Variants in SCAP observed in about 807,000 individuals in gnomAD.
SCAP encodes sterol regulatory element-binding protein cleavage-activating protein.
In SCAP, 65 loss-of-function variants were observed where a neutral mutation model predicts 123.6. The ratio of observed to expected loss-of-function variants is 0.53; its 90% CI spans 0.43 to 0.65. SCAP has a LOEUF of 0.65. SCAP is among the 30% of genes least tolerant of loss of function. SCAP has a pLI of 0.00. For missense variants in SCAP, 1,398 were observed against 1,712.5 expected, an observed-to-expected ratio of 0.82 and a Z score of 3.24; for synonymous variants, 740 against 726.3, an observed-to-expected ratio of 1.02 and a Z score of -0.30.
chr3:47,466,315 T>C (rs1183659958), intron 1 of SCAP, among the ~76,000 whole-genome samples: 1 of 152,118 alleles, frequency 6.6e-6, no homozygotes, highest in Non-Finnish European at 1.5e-5. Flanking sequence ...GGTACTGGCA[T>C]AAGGTCAGAC....
chr3:47,463,710 A>C (rs1160640615), intron 1 of SCAP, among the ~76,000 whole-genome samples: 1 of 152,194 alleles, frequency 6.6e-6, no homozygotes, highest in East Asian at 1.9e-4. Flanking sequence ...TCCCTAAAAA[A>C]AAAACTAAAA....
chr3:47,464,615 A>G (rs1302504219), intron 1 of SCAP, among the ~76,000 whole-genome samples: 1 of 152,196 alleles, frequency 6.6e-6, no homozygotes, highest in East Asian at 1.9e-4. Flanking sequence ...TCCTCAACAT[A>G]ATAAAGGGGT....
At chr3:47,468,626 G>A (rs924912985) in intron 1 of SCAP, among the ~76,000 whole-genome samples, 3 of 152,124 alleles carry the variant, frequency 2.0e-5, no homozygotes, top group African/African-American at 7.2e-5. Flanking sequence ...TTAGCCCTTT[G>A]TCAGATGGGT....
chr3:47,427,098 C>A (rs991961757), intron 6 of SCAP, 59 bp downstream of exon 6: 3 of 1,268,038 alleles, frequency 2.4e-6, no homozygotes, highest in Non-Finnish European at 2.3e-6. Flanking sequence ...AGAGGGACTA[C>A]TCAAAGCCTC....
chr3:47,453,341 G>C (rs535324973), intron 1 of SCAP, among the ~76,000 whole-genome samples: 1 of 151,432 alleles, frequency 6.6e-6, no homozygotes, highest in African/African-American at 2.4e-5. Flanking sequence ...CCAGAAGTTC[G>C]AGACCAGTCT....
chr3:47,457,424 C>T (rs1707468632), intron 1 of SCAP, among the ~76,000 whole-genome samples: 1 of 152,146 alleles, frequency 6.6e-6, no homozygotes, highest in Non-Finnish European at 1.5e-5. Flanking sequence ...ACTGCGTTCC[C>T]CTTCAGGAGA....
At chr3:47,421,166 T>C (rs1020579708) in intron 10 of SCAP, 137 bp from the exon 11 acceptor site, 2 of 705,604 alleles carry the variant, frequency 2.8e-6, no homozygotes, top group Non-Finnish European at 5.2e-6. Flanking sequence ...TGAGAGATGC[T>C]GGTTGGTCCT....
intron 1 of SCAP, among the ~76,000 whole-genome samples, chr3:47,447,169 C>T (rs1443851578): frequency 1.3e-5 from 2 of 151,680 alleles, no homozygotes. Context: ...TTTGGGAGAC[C>T]GAGGTGGGCG....
Position 47,424,460 on chromosome 3 carries a change from A to G in SCAP, c.1038-415T>C, listed in dbSNP as rs143143823. ...ACCCATCACAGCTAAATGCAAGGAG[A>G]TGAAACCATCCTGAAGGCCCACTCA... On this transcript the variant is annotated intron_variant, in intron 8 of 22. Transcript: ENST00000265565. Among the ~76,000 whole-genome samples the G allele has an allele frequency of 1.0e-3, 152 of 152,324 alleles. 3 individuals carry two copies. Among genetic ancestry groups the G allele is most frequent in the African/African-American group, 3.4e-3 (143 of 41,558 alleles).
chr3:47,432,321 AAAAAAAAAAAAG>A (rs1706394753), intron 3 of SCAP, among the ~76,000 whole-genome samples: 1 of 151,522 alleles, frequency 6.6e-6, no homozygotes, highest in Non-Finnish European at 1.5e-5. Flanking sequence ...CTTGAAAAAA[AAAAAAAAAAAAG>A]AAAAGAAAAA....
Position 47,415,118 on chromosome 3 carries a change from A to G in SCAP, c.3119T>C (p.Leu1040Pro). 6.2e-7 allele frequency: 1 copy of G among 1,611,682 alleles called. No homozygotes were observed. Among genetic ancestry groups the G allele is most frequent in the Non-Finnish European group, 8.5e-7 (1 of 1,179,302 alleles). The change falls in exon 19 of 23, where the codon CTC becomes CCC. Residue 1040 changes from leucine to proline, a missense_variant. This residue lies in a region of SCAP where 828 missense variants were observed against 882.5 expected (regional missense o/e 0.94). Coordinates refer to ENST00000265565, the MANE Select transcript of SCAP (RefSeq NM_012235.4). Reference protein sequence around the residue: ...DFFSLETHTALSPLQFRGTPG... With the variant: ...DFFSLETHTAPSPLQFRGTPG... The stretch of plus-strand genomic sequence containing the variant: ...CCGACCTCTAAACTGCAGGGGGCTG[A>G]GGGCAGTGTGGGTCTCCAAGGAGAA...
intron 1 of SCAP, among the ~76,000 whole-genome samples, chr3:47,462,354 C>T (rs965597434): frequency 7.2e-5 from 11 of 152,126 alleles, no homozygotes; most frequent in Non-Finnish European, 1.5e-4. Context: ...GCTATACAAC[C>T]TCTGCCCCAT....
At chr3:47,457,313 A>G (rs1307235952) in intron 1 of SCAP, among the ~76,000 whole-genome samples, 2 of 152,184 alleles carry the variant, frequency 1.3e-5, no homozygotes, top group Non-Finnish European at 2.9e-5. Flanking sequence ...TTAAAAAATA[A>G]TGAGCAAAGT....
chr3:47,417,654 TGAG>T lies in SCAP; in HGVS notation c.2617_2619del (p.Leu873del). 6.2e-7 allele frequency: 1 copy of T among 1,607,890 alleles called. No individual in the cohort carries two copies. Among genetic ancestry groups the T allele is most frequent in the Non-Finnish European group, 8.5e-7 (1 of 1,178,188 alleles). On this transcript the variant is annotated inframe_deletion, in exon 17 of 23. Transcript: ENST00000265565. ...GAAAAGTTGGTGTCAATTAAGCAGG[TGAG>T]GTCAGGCTGGTCCCCGAAGAGGGAA...
chr3:47,469,810 G>A, intron 1 of SCAP: 1 of 577,074 alleles, frequency 1.7e-6, no homozygotes, highest in Non-Finnish European at 3.4e-6. Flanking sequence ...AGACTTGCAA[G>A]GCTATTACCC....
chr3:47,422,367 T>C, intron 10 of SCAP, 75 bp downstream of exon 10: 2 of 1,338,292 alleles, frequency 1.5e-6, no homozygotes, highest in South Asian at 2.6e-5. Flanking sequence ...GGGAGCACCC[T>C]GCCCATGGCT....
chr3:47,448,156 C>A (rs1434385153), intron 1 of SCAP, among the ~76,000 whole-genome samples: 3 of 151,232 alleles, frequency 2.0e-5, no homozygotes, highest in Non-Finnish European at 4.4e-5. Context: ...TCTTTGATTT[C>A]TTTCATCAGC....
rs1216288304 is a variant in SCAP at position 47,428,589 on chromosome 3, C to T, written c.334G>A (p.Val112Ile). 2 of 1,614,092 alleles carry T rather than the reference C, an allele frequency of 1.2e-6. No individual in the cohort carries two copies. Among genetic ancestry groups the T allele is most frequent in the African/African-American group, 1.3e-5 (1 of 74,930 alleles). ...GACAAAGGTGAACGAAATACATCTACTGCCAGGAGGTTCTTGTGCCAGGGA... is the reference window on the plus strand; with the variant it reads ...GACAAAGGTGAACGAAATACATCTATTGCCAGGAGGTTCTTGTGCCAGGGA... ...VFPWHKNLLAVDVFRSPLSRA... is the reference protein window; with the variant it reads ...VFPWHKNLLAIDVFRSPLSRA... The change falls in exon 4 of 23, where the codon GTA becomes ATA. Residue 112 changes from valine (V) to isoleucine (I), a missense_variant. Val to Ile is a conservative substitution (Grantham distance 29). This residue lies in a region of SCAP where 319 missense variants were observed against 432.4 expected (regional missense o/e 0.74). Transcript: ENST00000265565.
chr3:47,466,747 T>C (rs1025964120), intron 1 of SCAP, among the ~76,000 whole-genome samples: 9 of 152,130 alleles, frequency 5.9e-5, no homozygotes, highest in Admixed American at 2.6e-4. Flanking sequence ...TTGAAAAGTA[T>C]AGGCAACAAA....
Sources: allele counts gnomAD v4.1 joint callset (sites outside exome capture counted in the v4.1 genomes callset), GRCh38; gene constraint gnomAD v4.1.1; regional missense constraint gnomAD v4.1.1; transcripts MANE v1.5; gene names NCBI Gene and HGNC (gene_info 2026-07-23, HGNC 2026-07-21).